SLC71A1: variants seen among roughly 807,000 people sequenced by gnomAD.
SLC71A1 encodes solute carrier family 71 member 1.
chr1:100,082,379 T>C, the SLC71A1 span: 1 of 592,028 alleles, frequency 1.7e-6, no homozygotes, highest in Non-Finnish European at 3.0e-6. Flanking sequence ...AACCAGACAG[T>C]TTTCCAAAGA....
the SLC71A1 span, among the ~76,000 whole-genome samples, chr1:100,066,381 C>T: frequency 5.9e-5 from 9 of 152,308 alleles, no homozygotes; most frequent in East Asian, 1.7e-3. Flanking sequence ...ATTTTAGACT[C>T]CTTTCACAGA....
chr1:100,071,315 A>AAAAAAAAAAAAAG, the SLC71A1 span, among the ~76,000 whole-genome samples: 1 of 136,300 alleles, frequency 7.3e-6, no homozygotes, highest in Non-Finnish European at 1.6e-5. Flanking sequence ...AAAAAAAAAA[A>AAAAAAAAAAAAAG]AGAAAGAAAG....
chr1:100,065,373 A>C, the SLC71A1 span, among the ~76,000 whole-genome samples: 2 of 152,236 alleles, frequency 1.3e-5, no homozygotes, highest in Non-Finnish European at 2.9e-5. Flanking sequence ...TCCAAAAGTC[A>C]AAAATGGCAT....
chr1:100,062,182 T>C, the SLC71A1 span: 3 of 390,298 alleles, frequency 7.7e-6, no homozygotes, highest in Non-Finnish European at 1.4e-5. Context: ...AGAATTGAAA[T>C]TATAGTATAT....
chr1:100,049,942 G>T, the SLC71A1 span: 1 of 1,609,676 alleles, frequency 6.2e-7, no homozygotes, highest in Non-Finnish European at 8.5e-7. Context: ...TGTCTATCAT[G>T]CAGTTATCGT....
chr1:100,045,979 T>G, the SLC71A1 span, among the ~76,000 whole-genome samples: 2 of 152,136 alleles, frequency 1.3e-5, no homozygotes, highest in Non-Finnish European at 2.9e-5. Context: ...TTTATTCTTC[T>G]GTATATGGAT....
At chr1:100,046,209 CTCGTTTT>C in the SLC71A1 span, among the ~76,000 whole-genome samples, 2 of 118,584 alleles carry the variant, frequency 1.7e-5, no homozygotes, top group African/African-American at 5.9e-5. Flanking sequence ...TCCTCCAAGC[CTCGTTTT>C]TTTTTTTTTT....
chr1:100,050,785 C>T, the SLC71A1 span, among the ~76,000 whole-genome samples: 1 of 152,058 alleles, frequency 6.6e-6, no homozygotes, highest in East Asian at 1.9e-4. Context: ...GTAATTGTTA[C>T]TATCTATACA....
chr1:100,057,500 G>A, the SLC71A1 span, among the ~76,000 whole-genome samples: 6 of 151,640 alleles, frequency 4.0e-5, no homozygotes, highest in African/African-American at 1.2e-4. Context: ...GATTGCAGGC[G>A]CCTGCCACCA....
the SLC71A1 span, among the ~76,000 whole-genome samples, chr1:100,046,073 A>C: frequency 2.0e-5 from 3 of 152,098 alleles, no homozygotes; most frequent in African/African-American, 4.8e-5. Flanking sequence ...AGTTGACTGT[A>C]AATGCATGGA....
chr1:100,050,878 G>T, the SLC71A1 span, among the ~76,000 whole-genome samples: 1 of 151,890 alleles, frequency 6.6e-6, no homozygotes, highest in Non-Finnish European at 1.5e-5. Context: ...TTGAGCTCTG[G>T]AGTTGAGACC....
the SLC71A1 span, among the ~76,000 whole-genome samples, chr1:100,064,748 G>C: frequency 5.7e-4 from 85 of 149,686 alleles, 2 homozygotes; most frequent in Admixed American, 3.3e-4. Flanking sequence ...TTTTGAGACA[G>C]GGTCCTGCTC....
chr1:100,063,783 G>A, the SLC71A1 span, among the ~76,000 whole-genome samples: 9 of 152,286 alleles, frequency 5.9e-5, no homozygotes, highest in Middle Eastern at 3.4e-3. Flanking sequence ...GCCACAGAGC[G>A]AGACCTGTCT....
the SLC71A1 span, among the ~76,000 whole-genome samples, chr1:100,046,042 T>G: frequency 6.6e-6 from 1 of 152,102 alleles, no homozygotes; most frequent in Non-Finnish European, 1.5e-5. Flanking sequence ...AATGTATACT[T>G]CGGTGCCGTT....
chr1:100,079,707 C>T, the SLC71A1 span: 1 of 152,192 alleles, frequency 6.6e-6, no homozygotes, highest in Admixed American at 6.5e-5. Flanking sequence ...ATGGTGAAAC[C>T]CTGTCTCTAC....
the SLC71A1 span, among the ~76,000 whole-genome samples, chr1:100,070,353 CAG>C: frequency 1.2e-4 from 18 of 152,284 alleles, no homozygotes; most frequent in East Asian, 2.9e-3. Context: ...TAAGAAACAA[CAG>C]GGGGCCAGTG....
the SLC71A1 span, chr1:100,058,817 C>T: frequency 4.5e-6 from 3 of 659,856 alleles, no homozygotes; most frequent in East Asian, 5.6e-5. Context: ...ATATATATAA[C>T]TATGCGAATA....
chr1:100,058,738 G>C, the SLC71A1 span: 3 of 1,498,682 alleles, frequency 2.0e-6, no homozygotes, highest in South Asian at 1.1e-5. Context: ...GGTAGGATCA[G>C]TCATACATAT....
the SLC71A1 span, among the ~76,000 whole-genome samples, chr1:100,048,318 T>C: frequency 6.6e-6 from 1 of 152,140 alleles, no homozygotes; most frequent in East Asian, 1.9e-4. Flanking sequence ...TAGCTGGGAT[T>C]ACAGGCACAC....
Sources: gnomAD v4.1 joint callset for allele counts (sites outside exome capture counted in the v4.1 genomes callset) on GRCh38, gnomAD v4.1.1 for gene constraint, MANE v1.5 for transcripts, NCBI Gene and HGNC (gene_info 2026-07-23, HGNC 2026-07-21) for gene names.